The following CAMTA1 variants were observed in gnomAD, a reference collection of about 807,000 sequenced individuals.
CAMTA1 encodes the protein calmodulin-binding transcription activator 1.
A neutral mutation model predicts 170.9 loss-of-function variants in CAMTA1; 27 were observed. The ratio of observed to expected loss-of-function variants is 0.16; its 90% CI spans 0.12 to 0.22. The LOEUF (loss-of-function observed/expected upper bound fraction) is 0.22. Ranked by LOEUF, CAMTA1 falls within the 10% of genes least tolerant of loss-of-function variation. CAMTA1 has a pLI of 1.00. For synonymous variants in CAMTA1, 833 were observed against 891.5 expected (o/e 0.93, Z 1.17); for missense variants, 1,619 against 2,217.2 (o/e 0.73, Z 5.42).
At chr1:7,704,799 TGGGCCGGGCCGGGCG>T (rs1398605060) in intron 11 of CAMTA1, among the ~76,000 whole-genome samples, 3 of 141,476 alleles carry the variant, frequency 2.1e-5, no homozygotes, top group East Asian at 2.1e-4. Context: ...GGGGCCGGGC[TGGGCCGGGCCGGGCG>T]GGGCCGGGCG....
chr1:7,490,733 G>C (rs1311814198), intron 6 of CAMTA1, among the ~76,000 whole-genome samples: 1 of 152,136 alleles, frequency 6.6e-6, no homozygotes, highest in East Asian at 1.9e-4. Flanking sequence ...GCCACCGTGC[G>C]TTACCTTTTG....
chr1:7,176,611 G>C (rs918912084), intron 4 of CAMTA1, among the ~76,000 whole-genome samples: 1 of 152,186 alleles, frequency 6.6e-6, no homozygotes, highest in Non-Finnish European at 1.5e-5. Context: ...TTTCCTGGTT[G>C]CCCTGGGTTA....
intron 5 of CAMTA1, among the ~76,000 whole-genome samples, chr1:7,326,907 G>GCCTC (rs2082718242): frequency 6.6e-6 from 1 of 152,126 alleles, no homozygotes; most frequent in African/African-American, 2.4e-5. Flanking sequence ...AGGTAGAGAA[G>GCCTC]ATATGACCAT....
intron 1 of CAMTA1, among the ~76,000 whole-genome samples, chr1:6,785,781 G>C (rs1286570458): frequency 4.4e-5 from 6 of 136,936 alleles, no homozygotes; most frequent in Admixed American, 4.2e-4. Context: ...GGCCGGCGGA[G>C]CGCGGCGCCC....
At chr1:7,623,678 A>G (rs2095614129) in intron 6 of CAMTA1, among the ~76,000 whole-genome samples, 1 of 152,218 alleles carries the variant, frequency 6.6e-6, no homozygotes, top group South Asian at 2.1e-4. Flanking sequence ...CTGTATTTTC[A>G]GGAGAGATGG....
chr1:6,858,646 G>C (rs1196479772), intron 3 of CAMTA1, among the ~76,000 whole-genome samples: 2 of 152,142 alleles, frequency 1.3e-5, no homozygotes, highest in Non-Finnish European at 1.5e-5. Context: ...ATGGGTCTCT[G>C]CTAAGTTTAG....
At chr1:7,070,772 A>C (rs1638535055) in intron 3 of CAMTA1, among the ~76,000 whole-genome samples, 1 of 152,214 alleles carries the variant, frequency 6.6e-6, no homozygotes, top group South Asian at 2.1e-4. Context: ...CAGCTTGTCA[A>C]ACTGTCGCCA....
rs567427735 is a variant in CAMTA1 at position 7,113,441 on chromosome 1, G to T, written c.302+22070G>T. 2.0e-5 allele frequency among the ~76,000 whole-genome samples: 3 copies of T among 152,288 alleles called. No homozygotes were observed. Among genetic ancestry groups the T allele is most frequent in the African/African-American group, 7.2e-5 (3 of 41,556 alleles). On this transcript the variant is annotated intron_variant, in intron 4 of 22. Transcript: ENST00000303635. The surrounding 1 kb of genome is among the most constrained non-coding windows in gnomAD (Gnocchi z 4.5). The stretch of plus-strand genomic sequence containing the variant: ...GGGTCATCTTTACTTGATTCCCTTG[G>T]TCTGGAGAGAAGGATCTAGGGGCCA...
At position 7,664,194 on chromosome 1, in the gene CAMTA1, C is replaced by T; in HGVS notation, c.1647C>T (p.Ser549=). The change falls in exon 9 of 23, where the codon TCC becomes TCT. Residue 549 remains serine (S), a synonymous_variant. Transcript: ENST00000303635. ...FEQQMAKEAY[S]SSAAAVAASS... Reference sequence around the variant, plus strand: ...AGCAGATGGCCAAAGAAGCGTACTCCTCCTCCGCGGCGGCTGTGGCAGCCA... The same window carrying T: ...AGCAGATGGCCAAAGAAGCGTACTCTTCCTCCGCGGCGGCTGTGGCAGCCA... 6 of 1,612,800 alleles carry T rather than the reference C, an allele frequency of 3.7e-6. No homozygotes were observed. The highest frequency in any genetic ancestry group is 5.1e-6 in the Non-Finnish European group (6 of 1,180,042).
At chr1:7,614,114 G>A (rs2095543064) in intron 6 of CAMTA1, among the ~76,000 whole-genome samples, 1 of 148,994 alleles carries the variant, frequency 6.7e-6, no homozygotes, top group Non-Finnish European at 1.5e-5. Flanking sequence ...ACCCAGAGGG[G>A]TGAGTAGGAG....
intron 4 of CAMTA1, among the ~76,000 whole-genome samples, chr1:7,243,171 C>T (rs571580707): frequency 8.5e-5 from 13 of 152,206 alleles, no homozygotes; most frequent in Admixed American, 4.6e-4. Context: ...TAGCTGGTAA[C>T]GCTAGCCCCT....
intron 6 of CAMTA1, among the ~76,000 whole-genome samples, chr1:7,514,838 C>A (rs904743505): frequency 6.6e-6 from 1 of 152,194 alleles, no homozygotes; most frequent in Non-Finnish European, 1.5e-5. Flanking sequence ...GCCCGCCCCC[C>A]ACCACCCCAT....
rs1365872996 is a variant in CAMTA1, at chr1:7,682,273, G to T, written c.2914+4540G>T. 2.0e-5 allele frequency among the ~76,000 whole-genome samples: 3 copies of T among 152,204 alleles called. No homozygotes were observed. Among genetic ancestry groups the T allele is most frequent in the Non-Finnish European group, 4.4e-5 (3 of 68,032 alleles). On this transcript the variant is annotated intron_variant, in intron 11 of 22. Transcript: ENST00000303635. This position sits in a 1 kb window ranked among gnomAD's most constrained non-coding sequence, Gnocchi z 5.0. Reference sequence around the variant, plus strand: ...TCCTGGGCAAGCCTCAGTGTAAGGTGGGTGAGCCCAGACAGCTTGCCCCTG... The same window carrying T: ...TCCTGGGCAAGCCTCAGTGTAAGGTTGGTGAGCCCAGACAGCTTGCCCCTG...
At chr1:7,495,693 C>G (rs2093815272) in intron 6 of CAMTA1, among the ~76,000 whole-genome samples, 1 of 152,232 alleles carries the variant, frequency 6.6e-6, no homozygotes, top group Non-Finnish European at 1.5e-5. Flanking sequence ...CCTGGAGTCT[C>G]CATAGGCCCT....
intron 5 of CAMTA1, among the ~76,000 whole-genome samples, chr1:7,390,271 C>T (rs1160974929): frequency 1.3e-5 from 2 of 152,182 alleles, no homozygotes; most frequent in Non-Finnish European, 2.9e-5. Flanking sequence ...GTGACACAAC[C>T]CGCCCAGGGT....
At chr1:7,149,318 G>A (rs1042774544) in intron 4 of CAMTA1, among the ~76,000 whole-genome samples, 1 of 152,220 alleles carries the variant, frequency 6.6e-6, no homozygotes, top group Non-Finnish European at 1.5e-5. Context: ...TTCTGGCAGG[G>A]CACCGTGGTT....
At chr1:6,854,298 C>A (rs886100151) in intron 3 of CAMTA1, among the ~76,000 whole-genome samples, 24 of 152,140 alleles carry the variant, frequency 1.6e-4, no homozygotes, top group Non-Finnish European at 2.9e-4. Flanking sequence ...TTGCAATATT[C>A]AGTACAATAA....
rs1391813165 is a variant in CAMTA1 at position 7,446,197 on chromosome 1, C to G, written c.439-21633C>G. On this transcript the variant is annotated intron_variant, in intron 5 of 22. Transcript: ENST00000303635. ...CTCTGCTGTGAAAAAAAAAAAAAAG[C>G]CTAGCAAACACTGAGAGACCTAGAG... Among the ~76,000 whole-genome samples, 4 of 144,502 alleles carry G rather than the reference C, an allele frequency of 2.8e-5. No homozygotes were observed. The East Asian group carries it at 8.3e-4, about 30-fold the overall frequency. 94.8% of individuals were successfully genotyped at this position (144,502 alleles called of 152,430 possible).
chr1:7,152,277 G>A (rs7517897), intron 4 of CAMTA1, among the ~76,000 whole-genome samples: 107,233 of 151,972 alleles, frequency 0.71, 38,665 homozygotes, highest in African/African-American at 0.86. Flanking sequence ...ACTCGAAGCA[G>A]TAGCTCCTAC....
Sources: gnomAD v4.1 joint callset for allele counts (sites outside exome capture counted in the v4.1 genomes callset) on GRCh38, gnomAD v4.1.1 for gene constraint, Gnocchi (gnomAD v3.1) non-coding constraint, MANE v1.5 for transcripts, NCBI Gene and HGNC (gene_info 2026-07-23, HGNC 2026-07-21) for gene names.